The following SLC38A6 variants were observed in gnomAD, a reference collection of about 807,000 sequenced individuals.
SLC38A6 encodes N system amino acid transporter NAT-1.
Under a neutral mutation model 65.0 loss-of-function variants are expected in SLC38A6, and 73 were observed. The observed-to-expected ratio is 1.12, with a 90% CI of 0.93 to 1.37. The LOEUF (loss-of-function observed/expected upper bound fraction) is 1.37, where lower values mean the gene tolerates loss of function less well. SLC38A6 is among the 40% of genes most tolerant of loss of function. The pLI is 0.00. For missense variants in SLC38A6, 561 were observed against 531.1 expected, an observed-to-expected ratio of 1.06 and a Z score of -0.55; for synonymous variants, 183 against 178.8, an observed-to-expected ratio of 1.02 and a Z score of -0.19.
intron 15 of SLC38A6, among the ~76,000 whole-genome samples, chr14:61,076,838 T>G (rs892075175): frequency 6.6e-6 from 1 of 152,218 alleles, no homozygotes; most frequent in African/African-American, 2.4e-5. Flanking sequence ...GAAAGGTATA[T>G]GGGTCTTCAA....
At chr14:61,073,720 A>G (rs945343667) in intron 15 of SLC38A6, 4 of 152,086 alleles carry the variant, frequency 2.6e-5, no homozygotes. Context: ...GGTCGTATTT[A>G]TTTTGTGACT....
At chr14:61,080,215 A>ATGAC (rs1488694048) in intron 16 of SLC38A6, among the ~76,000 whole-genome samples, 1 of 152,272 alleles carries the variant, frequency 6.6e-6, no homozygotes, top group African/African-American at 2.4e-5. Context: ...TCTCATACCT[A>ATGAC]TGACTGACAA....
intron 3 of SLC38A6, among the ~76,000 whole-genome samples, chr14:61,014,651 C>T (rs2139523409): frequency 6.6e-6 from 1 of 152,312 alleles, no homozygotes; most frequent in South Asian, 2.1e-4. Context: ...GAAGTCCACT[C>T]CAGACCCTTT....
chr14:60,984,928 G>A (rs1446774826), intron 3 of SLC38A6, 125 bp downstream of exon 3: 17 of 897,414 alleles, frequency 1.9e-5, no homozygotes, highest in South Asian at 6.2e-5. Context: ...TAGGGTGATC[G>A]GAATGGAGAA....
At chr14:61,019,617 T>C (rs780311460) in intron 5 of SLC38A6, 37 bp downstream of exon 5, 2 of 1,592,108 alleles carry the variant, frequency 1.3e-6, no homozygotes, top group Admixed American at 1.7e-5. Context: ...TACATAAATG[T>C]GATGGCAATA....
At chr14:61,007,699 A>G (rs562151070) in intron 3 of SLC38A6, among the ~76,000 whole-genome samples, 1 of 132,512 alleles carries the variant, frequency 7.5e-6, no homozygotes, top group Admixed American at 8.1e-5. Context: ...GAAAATGAAC[A>G]CCGATATAAG....
At chr14:60,988,488 A>T (rs1443978519) in intron 3 of SLC38A6, among the ~76,000 whole-genome samples, 2 of 152,066 alleles carry the variant, frequency 1.3e-5, no homozygotes, top group African/African-American at 4.8e-5. Flanking sequence ...TCAGTTCCTG[A>T]ACCTCTTCTT....
At position 61,023,004 on chromosome 14, in the gene SLC38A6, G is replaced by A. The variant is rs117881897; in HGVS notation, c.403+3424G>A. ...AAGATTTTCTAACTTCTTGGGGACA[G>A]GAACTATGTGTTTTTATTTGTTTTC... On this transcript the variant is annotated intron_variant, in intron 5 of 15. Transcript: ENST00000267488. Among the ~76,000 whole-genome samples the A allele has an allele frequency of 2.4e-4, 36 of 152,256 alleles. No homozygotes were observed. The East Asian group carries it at 6.7e-3, about 29-fold the overall frequency.
At chr14:61,064,064 A>T (rs1280630701) in intron 15 of SLC38A6, among the ~76,000 whole-genome samples, 1 of 152,194 alleles carries the variant, frequency 6.6e-6, no homozygotes, top group African/African-American at 2.4e-5. Context: ...ATCTTTCTCT[A>T]GCCTTCACTC....
At chr14:60,985,543 T>G (rs1362184233) in intron 3 of SLC38A6, among the ~76,000 whole-genome samples, 1 of 152,194 alleles carries the variant, frequency 6.6e-6, no homozygotes, top group Non-Finnish European at 1.5e-5. Flanking sequence ...TTGGATTAGG[T>G]CAGCTTTGAT....
intron 3 of SLC38A6, among the ~76,000 whole-genome samples, chr14:61,000,552 A>G (rs947936028): frequency 2.6e-5 from 4 of 152,072 alleles, no homozygotes; most frequent in Non-Finnish European, 5.9e-5. Flanking sequence ...AATCGCTTGA[A>G]CCCGAGATGC....
intron 2 of SLC38A6, among the ~76,000 whole-genome samples, chr14:60,982,857 G>A (rs563189826): frequency 1.3e-5 from 2 of 152,214 alleles, no homozygotes; most frequent in South Asian, 2.1e-4. Context: ...TTAAAAATGG[G>A]AACTTGATCC....
At chr14:61,035,851 A>G (rs185930363) in intron 6 of SLC38A6, among the ~76,000 whole-genome samples, 1 of 152,286 alleles carries the variant, frequency 6.6e-6, no homozygotes, top group Admixed American at 6.5e-5. Flanking sequence ...TGTATCTCAC[A>G]TATTGCTCAT....
intron 3 of SLC38A6, among the ~76,000 whole-genome samples, chr14:60,998,217 C>T (rs1415562522): frequency 1.3e-5 from 2 of 151,736 alleles, no homozygotes; most frequent in African/African-American, 4.8e-5. Flanking sequence ...AGCCTGGAAA[C>T]CCATGGCCCT....
chr14:60,992,197 T>G (rs1201572527), intron 3 of SLC38A6, among the ~76,000 whole-genome samples: 1 of 152,228 alleles, frequency 6.6e-6, no homozygotes, highest in East Asian at 1.9e-4. Context: ...TCATCCATGC[T>G]GCCGAAACAT....
At chr14:61,062,355 A>G (rs574943975) in intron 15 of SLC38A6, among the ~76,000 whole-genome samples, 2 of 152,018 alleles carry the variant, frequency 1.3e-5, no homozygotes, top group Non-Finnish European at 2.9e-5. Flanking sequence ...TTAGATTTTC[A>G]CCATTCTAAT....
At chr14:61,066,730 G>T (rs1055151069) in intron 15 of SLC38A6, among the ~76,000 whole-genome samples, 2 of 152,030 alleles carry the variant, frequency 1.3e-5, no homozygotes, top group Non-Finnish European at 2.9e-5. Flanking sequence ...GTAAACATGC[G>T]CAGATTTTGC....
downstream of SLC38A6, among the ~76,000 whole-genome samples, chr14:61,055,305 C>G (rs1338375083): frequency 2.0e-5 from 1 of 49,392 alleles, no homozygotes; most frequent in African/African-American, 7.5e-5. Context: ...GTGTGATATT[C>G]CCCTTCCTGT....
chr14:61,045,483 T>C, intron 11 of SLC38A6, 58 bp downstream of exon 11: 4 of 1,288,980 alleles, frequency 3.1e-6, no homozygotes, highest in Non-Finnish European at 3.3e-6. Flanking sequence ...CCTCTAAGGC[T>C]TTCGGATTGA....
Sources: allele counts gnomAD v4.1 joint callset (sites outside exome capture counted in the v4.1 genomes callset), GRCh38; gene constraint gnomAD v4.1.1; transcripts MANE v1.5; gene names NCBI Gene and HGNC (gene_info 2026-07-23, HGNC 2026-07-21).